Variants in CLEC6A observed in about 807,000 individuals in gnomAD.
CLEC6A encodes C-type lectin domain family 6 member A.
Under a neutral mutation model 25.7 loss-of-function variants are expected in CLEC6A, and 22 were observed. That is an observed-to-expected ratio of 0.85 (90% CI 0.61 to 1.22). The LOEUF is 1.22. Among genes scored for constraint, CLEC6A ranks in the 50% most tolerant of loss-of-function variants. The probability of loss-of-function intolerance (pLI) is 0.00; values close to 1 mark genes in which losing one functional copy is unlikely to be tolerated. For synonymous variants in CLEC6A, 92 were observed against 76.7 expected (o/e 1.20, Z -1.04); for missense variants, 240 against 236.8 (o/e 1.01, Z -0.09).
At chr12:8,470,314 G>C (rs1177310537) in intron 4 of CLEC6A, among the ~76,000 whole-genome samples, 2 of 152,022 alleles carry the variant, frequency 1.3e-5, no homozygotes, top group Non-Finnish European at 2.9e-5. Flanking sequence ...GCTGAAAAGG[G>C]AATACTTTTA....
chr12:8,465,509 G>T lies in CLEC6A; in HGVS notation c.249G>T (p.Trp83Cys). The change falls in exon 4 of 6, where the codon TGG (tryptophan) becomes TGT (cysteine). Residue 83 changes from tryptophan (W) to cysteine (C), a missense_variant. By Grantham distance (215) the Trp-to-Cys change is radical. Coordinates refer to ENST00000382073, the MANE Select transcript of CLEC6A (RefSeq NM_001007033.2). ...CCTGGGGATGTTGCCCAGCTTCTTG[G>T]AAGTCATTTGGTTCCAGTTGCTACT... ...VPAWGCCPAS[W>C]KSFGSSCYFI... is the part of the protein sequence containing the mutation. The T allele has an allele frequency of 1.2e-6, 2 of 1,613,946 alleles. No homozygotes were observed. The highest frequency in any genetic ancestry group is 1.7e-6 in the Non-Finnish European group (2 of 1,179,952).
At chr12:8,474,420 T>C (rs1309121655) in intron 4 of CLEC6A, among the ~76,000 whole-genome samples, 2 of 152,222 alleles carry the variant, frequency 1.3e-5, no homozygotes, top group Non-Finnish European at 1.5e-5. Flanking sequence ...TTTTGTCCCA[T>C]TGGTCTATGT....
At position 8,455,976 on chromosome 12, in the gene CLEC6A, C is replaced by A; in HGVS notation, c.-136C>A. On this transcript the variant is annotated 5_prime_UTR_variant, in exon 1 of 6. Transcript: ENST00000382073. ...GAGGTACACTTAATGTTGGAAGTCT[C>A]TTAGTCCTATAAGAGTGTGTAGCAG... 1.7e-6 allele frequency: 1 copy of A among 602,834 alleles called. No individual in the cohort carries two copies. Among genetic ancestry groups the A allele is most frequent in the South Asian group, 2.9e-5 (1 of 34,876 alleles). 37.3% of individuals were successfully genotyped at this position (602,834 alleles called of 1,614,324 possible).
In CLEC6A at chr12:8,460,502, G is replaced by A. The variant is rs181561516; in HGVS notation, c.223+804G>A. ...CCCTCTCACAGCACGTGGGAATTAT[G>A]GGAGTACAATTCAAGGTGAGATTTG... On this transcript the variant is annotated intron_variant, in intron 3 of 5. Coordinates refer to ENST00000382073, the MANE Select transcript of CLEC6A (RefSeq NM_001007033.2). The A allele has an allele frequency of 7.4e-5, 46 of 618,328 alleles. No individual in the cohort carries two copies. The Admixed American group carries it at 9.0e-4, about 12-fold the overall frequency. 38.3% of individuals were successfully genotyped at this position (618,328 alleles called of 1,614,324 possible). A position where few individuals can be genotyped will look rare whatever the true frequency, so the allele number is the denominator to read the frequency against.
chr12:8,476,700 T>C (rs1202825195), intron 5 of CLEC6A, among the ~76,000 whole-genome samples: 1 of 152,148 alleles, frequency 6.6e-6, no homozygotes, highest in Non-Finnish European at 1.5e-5. Context: ...ATTTGATTCT[T>C]CCAAAATCTT....
At chr12:8,462,237 G>A (rs1177762382) in intron 3 of CLEC6A, among the ~76,000 whole-genome samples, 2 of 149,648 alleles carry the variant, frequency 1.3e-5, no homozygotes, top group African/African-American at 2.5e-5. Flanking sequence ...GAAGGCCGCA[G>A]GGACCTCTGC....
intron 4 of CLEC6A, among the ~76,000 whole-genome samples, chr12:8,473,705 A>C (rs1277072425): frequency 6.6e-6 from 1 of 152,128 alleles, no homozygotes; most frequent in Non-Finnish European, 1.5e-5. Flanking sequence ...AATGTATGTA[A>C]GTGTTCCCTT....
chr12:8,460,408 G>A (rs1224981342), intron 3 of CLEC6A, among the ~76,000 whole-genome samples: 1 of 152,176 alleles, frequency 6.6e-6, no homozygotes, highest in Non-Finnish European at 1.5e-5. Flanking sequence ...GATCTTGTGA[G>A]ACTTATTCAC....
chr12:8,463,220 T>C (rs1248807247), intron 3 of CLEC6A, among the ~76,000 whole-genome samples: 1 of 152,194 alleles, frequency 6.6e-6, no homozygotes, highest in East Asian at 1.9e-4. Flanking sequence ...CTTCGAGTGG[T>C]ATAAAATGTG....
intron 4 of CLEC6A, among the ~76,000 whole-genome samples, chr12:8,470,962 ACTTTC>A (rs1174160323): frequency 2.0e-5 from 3 of 152,124 alleles, no homozygotes; most frequent in African/African-American, 7.2e-5. Flanking sequence ...ATGTTGAGAT[ACTTTC>A]CTTCTGTTCC....
At chr12:8,462,736 G>C (rs1311461734) in intron 3 of CLEC6A, among the ~76,000 whole-genome samples, 2 of 151,822 alleles carry the variant, frequency 1.3e-5, no homozygotes, top group Non-Finnish European at 2.9e-5. Context: ...TAAATACTAA[G>C]GGAACTCAGA....
chr12:8,456,245 G>T, intron 1 of CLEC6A, 103 bp downstream of exon 1: 2 of 1,116,808 alleles, frequency 1.8e-6, no homozygotes, highest in Non-Finnish European at 2.7e-6. Flanking sequence ...GCTAGTGATT[G>T]GACCAATATA....
chr12:8,459,540 C>A (rs1939724613), intron 2 of CLEC6A, 57 bp from the exon 3 acceptor site: 2 of 1,127,858 alleles, frequency 1.8e-6, no homozygotes, highest in Non-Finnish European at 2.7e-6. Flanking sequence ...AGATATAGAG[C>A]CTAAGGCTTT....
At chr12:8,468,330 C>A (rs1939863861) in intron 4 of CLEC6A, among the ~76,000 whole-genome samples, 1 of 152,122 alleles carries the variant, frequency 6.6e-6, no homozygotes, top group African/African-American at 2.4e-5. Flanking sequence ...ATTTTTTCTA[C>A]ATTGATTTTG....
At chr12:8,475,677 T>C (rs1008171603) in intron 4 of CLEC6A, among the ~76,000 whole-genome samples, 5 of 152,116 alleles carry the variant, frequency 3.3e-5, no homozygotes, top group Non-Finnish European at 2.9e-5. Context: ...GATTGGCTAA[T>C]GCATACCCAC....
At chr12:8,458,485 T>C (rs1286873442) in intron 2 of CLEC6A, among the ~76,000 whole-genome samples, 1 of 152,182 alleles carries the variant, frequency 6.6e-6, no homozygotes, top group Non-Finnish European at 1.5e-5. Flanking sequence ...TCCAAATACA[T>C]GTCTCAAGTT....
At chr12:8,460,581 G>A in intron 3 of CLEC6A, 1 of 1,008,720 alleles carries the variant, frequency 9.9e-7, no homozygotes, top group Non-Finnish European at 1.5e-6. Context: ...AAGGGGAAGA[G>A]CCTTTCTGTC....
intron 1 of CLEC6A, among the ~76,000 whole-genome samples, chr12:8,457,235 C>A (rs1405600421): frequency 6.6e-6 from 1 of 152,146 alleles, no homozygotes; most frequent in Non-Finnish European, 1.5e-5. Flanking sequence ...TCCCAGTTAA[C>A]CTTCCTGGCC....
At chr12:8,458,090 TCTTA>T in intron 2 of CLEC6A, 103 bp downstream of exon 2, 1 of 723,350 alleles carries the variant, frequency 1.4e-6, no homozygotes, top group Non-Finnish European at 2.3e-6. Context: ...ATACGTCAGC[TCTTA>T]CTTGGAATGC....
Sources: allele counts gnomAD v4.1 joint callset (sites outside exome capture counted in the v4.1 genomes callset), GRCh38; gene constraint gnomAD v4.1.1; transcripts MANE v1.5; gene names NCBI Gene and HGNC (gene_info 2026-07-23, HGNC 2026-07-21).